Variants in EXT1 observed in about 807,000 individuals in gnomAD.
EXT1 encodes the protein exostosin-1.
In EXT1, 20 loss-of-function variants were observed where a neutral mutation model predicts 82.5. The observed-to-expected ratio is 0.24, with a 90% CI of 0.17 to 0.35. The LOEUF (loss-of-function observed/expected upper bound fraction) is 0.35. Ranked by LOEUF, EXT1 falls within the 10% of genes least tolerant of loss-of-function variation. The pLI is 1.00. For missense variants in EXT1, 757 were observed against 936.5 expected, an observed-to-expected ratio of 0.81 and a Z score of 2.50; for synonymous variants, 348 against 350.8, an observed-to-expected ratio of 0.99 and a Z score of 0.09.
At chr8:118,005,909 C>G (rs997651204) in intron 1 of EXT1, among the ~76,000 whole-genome samples, 1 of 152,232 alleles carries the variant, frequency 6.6e-6, no homozygotes, top group Non-Finnish European at 1.5e-5. Context: ...CTACGGCTTA[C>G]AAGAAGTGTC....
At chr8:117,877,310 G>T (rs190744386) in intron 1 of EXT1, among the ~76,000 whole-genome samples, 37 of 152,264 alleles carry the variant, frequency 2.4e-4, no homozygotes, top group Admixed American at 2.4e-3. Flanking sequence ...CCCAAGAAAA[G>T]CTCCAGGGAG....
Position 117,837,332 on chromosome 8 carries a change from A to G in EXT1, c.963-131T>C, listed in dbSNP as rs543658030. The G allele has an allele frequency of 9.4e-6, 7 of 742,864 alleles. No individual in the cohort carries two copies. The Admixed American group carries it at 9.7e-5, about 10-fold the overall frequency. The allele number at this position is 742,864 out of a possible 1,614,324, so 46.0% of individuals were successfully genotyped here. A position where few individuals can be genotyped will look rare whatever the true frequency, so the allele number is the denominator to read the frequency against. On this transcript the variant is annotated intron_variant, in intron 1 of 10. Transcript: ENST00000378204. ...GGAAAGCCACCAGCAGGCAGCTCTC[A>G]CTTTTCCATTTTGAGGAAGGAGGTT...
intron 1 of EXT1, among the ~76,000 whole-genome samples, chr8:117,963,785 C>T (rs879841523): frequency 1.3e-5 from 2 of 152,158 alleles, no homozygotes; most frequent in Admixed American, 6.5e-5. Context: ...CCACTGCACC[C>T]GGCCCCTATT....
intron 1 of EXT1, among the ~76,000 whole-genome samples, chr8:117,962,332 C>T (rs1814716738): frequency 1.3e-5 from 2 of 152,130 alleles, no homozygotes; most frequent in East Asian, 1.9e-4. Context: ...GGGCCTGGTG[C>T]TGTGCCTCAC....
chr8:117,931,600 G>T (rs560035578), intron 1 of EXT1, among the ~76,000 whole-genome samples: 77 of 152,144 alleles, frequency 5.1e-4, no homozygotes, highest in Middle Eastern at 3.4e-3. Flanking sequence ...TTTTACCAAG[G>T]TTATCAGTCT....
At chr8:117,880,828 C>A (rs764275091) in intron 1 of EXT1, among the ~76,000 whole-genome samples, 1 of 152,048 alleles carries the variant, frequency 6.6e-6, no homozygotes, top group Non-Finnish European at 1.5e-5. Flanking sequence ...TGACCTCAGG[C>A]AATCCACCCA....
chr8:117,977,735 A>G (rs1222079911), intron 1 of EXT1, among the ~76,000 whole-genome samples: 2 of 152,194 alleles, frequency 1.3e-5, no homozygotes, highest in African/African-American at 4.8e-5. Context: ...TATCTAATCC[A>G]TGGAGGGTCA....
chr8:117,931,434 A>G (rs1385501321), intron 1 of EXT1, among the ~76,000 whole-genome samples: 1 of 150,882 alleles, frequency 6.6e-6, no homozygotes, highest in African/African-American at 2.4e-5. Context: ...ATAAACTACA[A>G]TGATATATAT....
intron 1 of EXT1, among the ~76,000 whole-genome samples, chr8:117,902,738 A>G (rs933853981): frequency 2.6e-5 from 4 of 152,238 alleles, no homozygotes; most frequent in Admixed American, 6.5e-5. Flanking sequence ...CATATTAGGC[A>G]TCTTCTTCCA....
intron 1 of EXT1, among the ~76,000 whole-genome samples, chr8:118,105,432 C>A (rs1817790282): frequency 6.6e-6 from 1 of 152,198 alleles, no homozygotes; most frequent in Non-Finnish European, 1.5e-5. Context: ...CACTGGAAAC[C>A]CTCATTTGCT....
intron 7 of EXT1, among the ~76,000 whole-genome samples, chr8:117,817,005 A>G (rs1029300050): frequency 1.3e-5 from 2 of 152,158 alleles, no homozygotes; most frequent in East Asian, 3.9e-4. Flanking sequence ...GGGGATGGAT[A>G]TAAGGGCCTG....
intron 1 of EXT1, among the ~76,000 whole-genome samples, chr8:117,952,940 G>A (rs1814519332): frequency 6.6e-6 from 1 of 152,170 alleles, no homozygotes; most frequent in African/African-American, 2.4e-5. Flanking sequence ...CATATTATAA[G>A]CCATATTTTG....
intron 1 of EXT1, among the ~76,000 whole-genome samples, chr8:117,918,660 AG>A (rs1182532374): frequency 3.9e-5 from 6 of 152,320 alleles, no homozygotes; most frequent in Non-Finnish European, 7.3e-5. Flanking sequence ...CCACACTGTA[AG>A]GAAGTCCAGA....
At chr8:117,810,873 G>GT (rs1823307826) in intron 8 of EXT1, among the ~76,000 whole-genome samples, 1 of 152,186 alleles carries the variant, frequency 6.6e-6, no homozygotes, top group Non-Finnish European at 1.5e-5. Context: ...AGAGGTCAGT[G>GT]TATCTCTTCT....
intron 1 of EXT1, among the ~76,000 whole-genome samples, chr8:117,958,512 A>G (rs1050927483): frequency 3.9e-5 from 6 of 152,264 alleles, no homozygotes; most frequent in African/African-American, 9.6e-5. Context: ...ATAGAAATGA[A>G]AACAAGACTA....
rs780452121 is a variant in EXT1, at chr8:117,804,703, A to C, written c.2055+19T>G. 5 of 1,613,698 alleles carry C rather than the reference A, an allele frequency of 3.1e-6. No individual in the cohort carries two copies. Among genetic ancestry groups the C allele is most frequent in the South Asian group, 1.1e-5 (1 of 91,076 alleles). ...CCACCAGTGAGTGAAGCAAGGGAAG[A>C]GGGCTCTTCTATACTTACCTGTCCC... On this transcript the variant is annotated intron_variant, in intron 10 of 10. Coordinates refer to ENST00000378204, the MANE Select transcript of EXT1 (RefSeq NM_000127.3).
At chr8:117,924,638 T>C (rs1813921241) in intron 1 of EXT1, among the ~76,000 whole-genome samples, 1 of 152,026 alleles carries the variant, frequency 6.6e-6, no homozygotes, top group African/African-American at 2.4e-5. Flanking sequence ...AAATAGGAAA[T>C]TCAGAGGAAC....
At chr8:118,015,610 T>A (rs930375925) in intron 1 of EXT1, among the ~76,000 whole-genome samples, 2 of 151,870 alleles carry the variant, frequency 1.3e-5, no homozygotes, top group Admixed American at 6.6e-5. Flanking sequence ...AAGCCAGATG[T>A]TGGGGGAAGG....
chr8:118,070,413 T>G (rs1476529450), intron 1 of EXT1, among the ~76,000 whole-genome samples: 2 of 152,216 alleles, frequency 1.3e-5, no homozygotes, highest in Non-Finnish European at 2.9e-5. Context: ...TAACTAGTGT[T>G]TGGCATACAA....
Sources: gnomAD v4.1 joint callset for allele counts (sites outside exome capture counted in the v4.1 genomes callset) on GRCh38, gnomAD v4.1.1 for gene constraint, MANE v1.5 for transcripts, NCBI Gene and HGNC (gene_info 2026-07-23, HGNC 2026-07-21) for gene names.